The following ANKRD44 variants were observed in gnomAD, a reference collection of about 807,000 sequenced individuals.
ANKRD44 encodes the protein ankyrin repeat domain 44.
Under a neutral mutation model 116.0 loss-of-function variants are expected in ANKRD44, and 35 were observed. That is an observed-to-expected ratio of 0.30 (90% CI 0.23 to 0.40). The LOEUF (loss-of-function observed/expected upper bound fraction) is 0.40. ANKRD44 is among the 10% of genes least tolerant of loss of function. The probability of loss-of-function intolerance (pLI) is 1.00; values close to 1 mark genes in which losing one functional copy is unlikely to be tolerated. For synonymous variants in ANKRD44, 435 were observed against 461.8 expected, an observed-to-expected ratio of 0.94 and a Z score of 0.74; for missense variants, 1,014 against 1,242.6, an observed-to-expected ratio of 0.82 and a Z score of 2.77.
chr2:197,146,751 T>C (rs1043493096), intron 3 of ANKRD44, among the ~76,000 whole-genome samples: 1 of 151,206 alleles, frequency 6.6e-6, no homozygotes, highest in Non-Finnish European at 1.5e-5. Flanking sequence ...AATCAAAATA[T>C]ATCCAAATGT....
intron 20 of ANKRD44, among the ~76,000 whole-genome samples, chr2:197,007,359 A>G (rs1004440720): frequency 6.6e-6 from 1 of 152,228 alleles, no homozygotes; most frequent in African/African-American, 2.4e-5. Flanking sequence ...TTCTCTTTTT[A>G]AAATCTAAAA....
chr2:197,111,547 G>A (rs1350418184), intron 8 of ANKRD44, among the ~76,000 whole-genome samples: 1 of 151,794 alleles, frequency 6.6e-6, no homozygotes, highest in African/African-American at 2.4e-5. Context: ...GCTAAGGTGG[G>A]AGAATTGCTT....
chr2:196,990,487 A>C lies in ANKRD44; in HGVS notation c.2924-838T>G, dbSNP rs1044403231. 6.5e-6 allele frequency: 8 copies of C among 1,222,518 alleles called. No homozygotes were observed. In the African/African-American group the frequency reaches 1.1e-4, roughly 17 times the overall value. The allele number at this position is 1,222,518 out of a possible 1,614,324, so 75.7% of individuals were successfully genotyped here. On this transcript the variant is annotated intron_variant, in intron 27 of 27. Coordinates refer to ENST00000282272, the MANE Select transcript of ANKRD44 (RefSeq NM_001195144.2). Reference sequence around the variant, plus strand: ...TTAGATTTAAAGAAAATGTGAAACAAAACAAAACTGGGGCCATCTGTGTGA... The same window carrying C: ...TTAGATTTAAAGAAAATGTGAAACACAACAAAACTGGGGCCATCTGTGTGA...
intron 1 of ANKRD44, among the ~76,000 whole-genome samples, chr2:197,301,801 AAACT>A (rs1194687637): frequency 6.6e-6 from 1 of 152,258 alleles, no homozygotes; most frequent in Non-Finnish European, 1.5e-5. Flanking sequence ...TGAATGAACC[AAACT>A]AACAAAATAA....
At chr2:197,118,223 T>A (rs967611092) in intron 8 of ANKRD44, among the ~76,000 whole-genome samples, 5 of 150,854 alleles carry the variant, frequency 3.3e-5, no homozygotes, top group African/African-American at 9.8e-5. Context: ...AATAAAAAAA[T>A]AATAATAATA....
chr2:197,006,800 T>A (rs774475882), intron 20 of ANKRD44, among the ~76,000 whole-genome samples: 7 of 152,126 alleles, frequency 4.6e-5, no homozygotes, highest in Non-Finnish European at 1.0e-4. Context: ...TTAGTTTATT[T>A]GGCATGCTTT....
chr2:197,034,510 C>T (rs1160207602), intron 16 of ANKRD44, among the ~76,000 whole-genome samples: 2 of 148,794 alleles, frequency 1.3e-5, no homozygotes, highest in Non-Finnish European at 3.0e-5. Flanking sequence ...AAACTTTGCA[C>T]TCATTCCAAG....
intron 4 of ANKRD44, among the ~76,000 whole-genome samples, chr2:197,131,423 C>T (rs1036101147): frequency 3.9e-5 from 6 of 152,016 alleles, no homozygotes; most frequent in Non-Finnish European, 8.8e-5. Flanking sequence ...GATCTCCTGA[C>T]CTCGTGATCC....
intron 9 of ANKRD44, among the ~76,000 whole-genome samples, chr2:197,106,650 C>T (rs4850761): frequency 0.81 from 122,453 of 151,182 alleles, 52,963 homozygotes; most frequent in East Asian, 0.98. Flanking sequence ...ATTAGCTGGG[C>T]GTGGTGGCAG....
At chr2:197,218,191 A>T (rs750959846) in intron 1 of ANKRD44, among the ~76,000 whole-genome samples, 1 of 152,200 alleles carries the variant, frequency 6.6e-6, no homozygotes, top group Non-Finnish European at 1.5e-5. Flanking sequence ...TGTACCTGAA[A>T]GGATAAAAAA....
chr2:197,071,925 A>G (rs1327050975), intron 16 of ANKRD44, among the ~76,000 whole-genome samples: 1 of 152,146 alleles, frequency 6.6e-6, no homozygotes. Flanking sequence ...TCCAACCCTT[A>G]CTAGGCTGCC....
chr2:197,208,767 T>A (rs1041194733), intron 1 of ANKRD44, among the ~76,000 whole-genome samples: 5 of 151,832 alleles, frequency 3.3e-5, no homozygotes, highest in African/African-American at 9.7e-5. Context: ...ACCACTGCAC[T>A]GCAGGCTGGG....
chr2:197,294,624 A>G (rs1430601122), intron 1 of ANKRD44, among the ~76,000 whole-genome samples: 2 of 152,184 alleles, frequency 1.3e-5, no homozygotes, highest in African/African-American at 4.8e-5. Context: ...CTTATAACCC[A>G]CACAGAAATT....
chr2:197,076,864 C>T (rs1172685263), intron 16 of ANKRD44, among the ~76,000 whole-genome samples: 1 of 152,188 alleles, frequency 6.6e-6, no homozygotes, highest in Non-Finnish European at 1.5e-5. Flanking sequence ...CATAGTATTC[C>T]ATGGTATCTA....
In ANKRD44 at chr2:197,162,007, T is replaced by C. The variant is rs568622257; in HGVS notation, c.112-14902A>G. Among the ~76,000 whole-genome samples, 16 of 152,308 alleles carry C rather than the reference T, an allele frequency of 1.1e-4. No homozygotes were observed. The South Asian group carries it at 1.2e-3, about 12-fold the overall frequency. ...CGGTCTCGTGACTTGGAGGGTCTGC[T>C]CCTCTATCACCTACCTTCTTTCCAC... On this transcript the variant is annotated intron_variant, in intron 2 of 27. Coordinates refer to ENST00000282272, the MANE Select transcript of ANKRD44 (RefSeq NM_001195144.2).
chr2:197,053,736 G>A (rs1042067734), intron 16 of ANKRD44, among the ~76,000 whole-genome samples: 5 of 152,190 alleles, frequency 3.3e-5, no homozygotes, highest in African/African-American at 9.6e-5. Context: ...ACCCTCCTTG[G>A]CCTCCCAAAG....
chr2:197,208,497 A>C (rs1264224441), intron 1 of ANKRD44, among the ~76,000 whole-genome samples: 1 of 152,184 alleles, frequency 6.6e-6, no homozygotes, highest in African/African-American at 2.4e-5. Context: ...TTATTTTTCA[A>C]GAATAGCTTT....
At chr2:197,020,810 T>TA (rs1477444675) in intron 17 of ANKRD44, among the ~76,000 whole-genome samples, 5,398 of 150,904 alleles carry the variant, frequency 0.036, 336 homozygotes, top group African/African-American at 0.13. Context: ...TTTTTTATTA[T>TA]TATTATACTT....
chr2:197,249,629 A>C (rs991143686), intron 1 of ANKRD44, among the ~76,000 whole-genome samples: 39 of 152,254 alleles, frequency 2.6e-4, no homozygotes, highest in Non-Finnish European at 7.3e-5. Context: ...CAAAATATTT[A>C]AGCCATAATC....
Sources: allele counts gnomAD v4.1 joint callset (sites outside exome capture counted in the v4.1 genomes callset), GRCh38; gene constraint gnomAD v4.1.1; transcripts MANE v1.5; gene names NCBI Gene and HGNC (gene_info 2026-07-23, HGNC 2026-07-21).